Variants in IFT43 observed in about 807,000 individuals in gnomAD.
IFT43 encodes the protein intraflagellar transport protein 43 homolog.
A neutral mutation model predicts 32.3 loss-of-function variants in IFT43; 33 were observed. The ratio of observed to expected loss-of-function variants is 1.02; its 90% CI spans 0.77 to 1.37. The LOEUF (loss-of-function observed/expected upper bound fraction) is 1.37. Among genes scored for constraint, IFT43 ranks in the 40% most tolerant of loss-of-function variants. IFT43 has a pLI of 0.00. For missense variants in IFT43, 274 were observed against 265.9 expected, an observed-to-expected ratio of 1.03 and a Z score of -0.21; for synonymous variants, 93 against 98.2, an observed-to-expected ratio of 0.95 and a Z score of 0.31.
At chr14:76,052,451 C>T (rs1327231302) in intron 3 of IFT43, among the ~76,000 whole-genome samples, 2 of 152,122 alleles carry the variant, frequency 1.3e-5, no homozygotes, top group South Asian at 2.1e-4. Context: ...GGGGTCCCTG[C>T]AGTTGGGGGT....
At chr14:76,060,830 CTTCCTTCCTT>C (rs2037119184) in intron 5 of IFT43, among the ~76,000 whole-genome samples, 2 of 27,728 alleles carry the variant, frequency 7.2e-5, no homozygotes, top group Non-Finnish European at 1.1e-4. Context: ...CCCTCCCTTT[CTTCCTTCCTT>C]CCTTCCTTCC....
intron 3 of IFT43, among the ~76,000 whole-genome samples, chr14:76,027,426 A>G (rs1418978430): frequency 6.6e-6 from 1 of 151,734 alleles, no homozygotes; most frequent in Non-Finnish European, 1.5e-5. Context: ...ATCTCTCAAG[A>G]TTAATGACAT....
intron 5 of IFT43, chr14:76,076,799 T>G: frequency 7.4e-7 from 1 of 1,353,568 alleles, no homozygotes; most frequent in Non-Finnish European, 1.0e-6. Flanking sequence ...CCGTAATGAA[T>G]GTATTTCAGG....
At chr14:76,001,509 G>A (rs1430318197) in intron 2 of IFT43, among the ~76,000 whole-genome samples, 1 of 152,224 alleles carries the variant, frequency 6.6e-6, no homozygotes, top group Non-Finnish European at 1.5e-5. Flanking sequence ...GGGAGACCAG[G>A]TAGGACCCTG....
intron 5 of IFT43, among the ~76,000 whole-genome samples, chr14:76,072,246 A>G (rs549747040): frequency 6.6e-5 from 10 of 152,236 alleles, no homozygotes; most frequent in Non-Finnish European, 1.3e-4. Context: ...GGGAGAACCT[A>G]TTTTAGGGCT....
At chr14:75,991,081 T>C (rs1255631598) in intron 2 of IFT43, among the ~76,000 whole-genome samples, 2 of 152,200 alleles carry the variant, frequency 1.3e-5, no homozygotes, top group Non-Finnish European at 2.9e-5. Context: ...TTGTAACCCC[T>C]GTAACCCCAG....
intron 5 of IFT43, among the ~76,000 whole-genome samples, chr14:76,071,336 G>A (rs953308801): frequency 1.3e-5 from 2 of 152,188 alleles, no homozygotes; most frequent in Non-Finnish European, 2.9e-5. Context: ...TGCTCTACCT[G>A]CCGTACTTCA....
chr14:76,036,657 G>A lies in IFT43; in HGVS notation c.215+14263G>A, dbSNP rs558884330. Among the ~76,000 whole-genome samples the A allele has an allele frequency of 7.2e-5, 11 of 152,010 alleles. No homozygotes were observed. The East Asian group carries it at 1.9e-3, about 27-fold the overall frequency. ...TGACCTCAGGTGATCCTCCTGTCTC[G>A]GCCTCCCAAAGTGCTGGGATTACAG... On this transcript the variant is annotated intron_variant, in intron 3 of 8. Transcript: ENST00000314067.
At chr14:76,029,618 A>G (rs148091100) in intron 3 of IFT43, among the ~76,000 whole-genome samples, 1 of 152,108 alleles carries the variant, frequency 6.6e-6, no homozygotes, top group Non-Finnish European at 1.5e-5. Flanking sequence ...TCGTTGATCC[A>G]TCTTGAGTTA....
chr14:75,987,194 CGCCATAT>C (rs1398618576), intron 1 of IFT43, among the ~76,000 whole-genome samples: 2 of 152,122 alleles, frequency 1.3e-5, no homozygotes. Context: ...TTAGCACAAC[CGCCATAT>C]GTAGGATGCT....
intron 3 of IFT43, among the ~76,000 whole-genome samples, chr14:76,045,282 A>G (rs1220631392): frequency 2.6e-5 from 4 of 152,146 alleles, no homozygotes; most frequent in South Asian, 2.1e-4. Context: ...GATACTGGCA[A>G]TGTGTCTCAT....
chr14:76,035,470 T>C lies in IFT43; in HGVS notation c.215+13076T>C, dbSNP rs376045070. Among the ~76,000 whole-genome samples, 6 of 152,284 alleles carry C rather than the reference T, an allele frequency of 3.9e-5. No homozygotes were observed. The East Asian group carries it at 1.2e-3, about 29-fold the overall frequency. On this transcript the variant is annotated intron_variant, in intron 3 of 8. Coordinates refer to ENST00000314067, the MANE Select transcript of IFT43 (RefSeq NM_001102564.3). ...TTCTCTCTTTCTCTCTCTCTCTTTT[T>C]TAATGGCATTGATGTTCCAAGGATA...
rs572323781 is a variant in IFT43, at chr14:76,079,101, A to G, written c.296-3194A>G. The stretch of plus-strand genomic sequence containing the variant: ...TGGGCAGCTGTCTCACCCCTTCACT[A>G]TAGGAGGAGGCGTCTTTGAAGGCAT... On this transcript the variant is annotated intron_variant, in intron 5 of 8. Transcript: ENST00000314067. Among the ~76,000 whole-genome samples, 4 of 152,326 alleles carry G rather than the reference A, an allele frequency of 2.6e-5. No homozygotes were observed. In the East Asian group the frequency reaches 5.8e-4, roughly 22 times the overall value.
intron 5 of IFT43, among the ~76,000 whole-genome samples, chr14:76,073,124 C>T (rs773538407): frequency 1.3e-5 from 2 of 152,024 alleles, no homozygotes; most frequent in African/African-American, 2.4e-5. Context: ...AGAAAAGGCA[C>T]CATGTTCTCT....
intron 5 of IFT43, among the ~76,000 whole-genome samples, chr14:76,068,788 G>A (rs948238205): frequency 9.2e-5 from 14 of 152,210 alleles, no homozygotes; most frequent in Non-Finnish European, 1.8e-4. Flanking sequence ...CAAGTCATTA[G>A]TTCATTTATT....
At chr14:76,036,053 C>A (rs949954886) in intron 3 of IFT43, among the ~76,000 whole-genome samples, 2 of 152,156 alleles carry the variant, frequency 1.3e-5, no homozygotes, top group Non-Finnish European at 2.9e-5. Context: ...AAAAGCTTGA[C>A]GATATATAAA....
rs372535250 is a variant in IFT43 at position 76,062,421 on chromosome 14, TTG to T, written c.295+3051_295+3052del. Among the ~76,000 whole-genome samples the T allele has an allele frequency of 5.3e-5, 8 of 152,244 alleles. No homozygotes were observed. In the South Asian group the frequency reaches 1.7e-3, roughly 32 times the overall value. On this transcript the variant is annotated intron_variant, in intron 5 of 8. Coordinates refer to ENST00000314067, the MANE Select transcript of IFT43 (RefSeq NM_001102564.3). ...GTAGGTTTTGATTGGATGCTGGACA[TTG>T]TGAATATCATTATGTTGAGTCTGGA...
chr14:76,059,028 T>G lies in IFT43; in HGVS notation c.249-299T>G. On this transcript the variant is annotated intron_variant, in intron 4 of 8. Transcript: ENST00000314067. The stretch of plus-strand genomic sequence containing the variant: ...AGACTTATATCAGAAAAGAAAGAAG[T>G]TTTCTAGATAAAGGTGCTGTGAAGG... 2.8e-6 allele frequency: 4 copies of G among 1,420,508 alleles called. No homozygotes were observed. The South Asian group carries it at 6.1e-5, about 22-fold the overall frequency. The allele number at this position is 1,420,508 out of a possible 1,614,324, so 88.0% of individuals were successfully genotyped here.
chr14:76,021,557 C>T (rs1161145263), intron 2 of IFT43, among the ~76,000 whole-genome samples: 1 of 152,040 alleles, frequency 6.6e-6, no homozygotes. Flanking sequence ...ATCAAACTTT[C>T]TTATATCATT....
Sources: allele counts gnomAD v4.1 joint callset (sites outside exome capture counted in the v4.1 genomes callset), GRCh38; gene constraint gnomAD v4.1.1; transcripts MANE v1.5; gene names NCBI Gene and HGNC (gene_info 2026-07-23, HGNC 2026-07-21).